The following GRAMD1B variants were observed in gnomAD, a reference collection of about 807,000 sequenced individuals.
GRAMD1B encodes the protein GRAM domain containing 1B.
GRAMD1B carries 37 observed loss-of-function variants against 99.7 expected under a neutral mutation model. That is an observed-to-expected ratio of 0.37 (90% confidence interval 0.29 to 0.49). GRAMD1B has a LOEUF of 0.49. Ranked by LOEUF, GRAMD1B falls within the 20% of genes least tolerant of loss-of-function variation. The probability of loss-of-function intolerance (pLI) is 0.98; values close to 1 mark genes in which losing one functional copy is unlikely to be tolerated. For synonymous variants in GRAMD1B, 427 were observed against 387.6 expected (o/e 1.10, Z -1.19); for missense variants, 888 against 1,009.2 (o/e 0.88, Z 1.63).
At chr11:123,577,654 A>T (rs1592096290) in intron 3 of GRAMD1B, 77 bp downstream of exon 3, 4 of 1,121,782 alleles carry the variant, frequency 3.6e-6, no homozygotes, top group Non-Finnish European at 5.2e-6. Context: ...GAGCCGGAGA[A>T]CATCTGCGAG....
chr11:123,542,750 T>A (rs1024601245), intron 2 of GRAMD1B, among the ~76,000 whole-genome samples: 2 of 152,054 alleles, frequency 1.3e-5, no homozygotes, highest in Non-Finnish European at 2.9e-5. Context: ...CCTCCTGGGT[T>A]CAAGCAATTC....
chr11:123,602,118 A>T (rs1952056939), intron 8 of GRAMD1B, among the ~76,000 whole-genome samples: 1 of 152,168 alleles, frequency 6.6e-6, no homozygotes, highest in Admixed American at 6.5e-5. Context: ...TACCTCCCTC[A>T]GGCACTATGA....
intron 17 of GRAMD1B, 125 bp from the exon 18 acceptor site, chr11:123,618,568 C>T (rs946614113): frequency 1.2e-6 from 1 of 808,006 alleles, no homozygotes; most frequent in African/African-American, 1.7e-5. Context: ...CCCTCCAGCT[C>T]AGTCACTCAC....
At chr11:123,577,220 G>T in intron 2 of GRAMD1B, 147 bp from the exon 3 acceptor site, 1 of 694,654 alleles carries the variant, frequency 1.4e-6, no homozygotes, top group Admixed American at 2.3e-5. Flanking sequence ...CGCAGCCTGG[G>T]CCCCTCTCTC....
intron 2 of GRAMD1B, among the ~76,000 whole-genome samples, chr11:123,548,319 TATATATAC>T (rs1181294867): frequency 2.9e-5 from 3 of 105,208 alleles, no homozygotes; most frequent in East Asian, 5.7e-4. Context: ...TATATATATA[TATATATAC>T]ACACACACAC....
intron 7 of GRAMD1B, chr11:123,599,411 C>G (rs1425144388): frequency 6.0e-6 from 4 of 670,908 alleles, no homozygotes; most frequent in South Asian, 1.4e-5. Flanking sequence ...GCCATTCCTT[C>G]TCCTCATGAT....
intron 2 of GRAMD1B, among the ~76,000 whole-genome samples, chr11:123,516,005 G>A (rs547231256): frequency 6.6e-6 from 1 of 152,204 alleles, no homozygotes; most frequent in Non-Finnish European, 1.5e-5. Context: ...TAGAGCTCAA[G>A]TGATCTGCCC....
chr11:123,577,772 A>G lies in GRAMD1B; in HGVS notation c.663+195A>G, dbSNP rs549524814. Among the ~76,000 whole-genome samples, 3 of 150,146 alleles carry G rather than the reference A, an allele frequency of 2.0e-5. No homozygotes were observed. In the South Asian group the frequency reaches 6.4e-4, roughly 32 times the overall value. On this transcript the variant is annotated intron_variant, in intron 3 of 19. Transcript: ENST00000635736. ...TAGTTAAATATCTTCCCCGCTAAGC[A>G]TTCTTGGTGGGCTGGGCGAGGTAGG... is the stretch of plus-strand genomic sequence containing the variant.
At position 123,474,873 on chromosome 11, in the gene GRAMD1B, G is replaced by C. The variant is rs145406077; in HGVS notation, c.375-5943G>C. On this transcript the variant is annotated intron_variant, in intron 1 of 19. Transcript: ENST00000635736. ...CAGTACATTAGTCTCTGCAGCCTGG[G>C]TGTGGGTAAATGTAGTTTCCATCAG... Among the ~76,000 whole-genome samples the C allele has an allele frequency of 9.1e-3, 1,389 of 152,268 alleles. 9 individuals are homozygous for C. Among genetic ancestry groups the C allele is most frequent in the Non-Finnish European group, 0.013 (882 of 68,018 alleles).
intron 1 of GRAMD1B, among the ~76,000 whole-genome samples, chr11:123,474,251 T>C (rs36051450): frequency 0.16 from 22,402 of 140,862 alleles, 2,156 homozygotes; most frequent in Admixed American, 0.25. Flanking sequence ...TTTTCTTTTT[T>C]TTAACTTTTA....
chr11:123,443,121 C>T (rs561756501), intron 1 of GRAMD1B, among the ~76,000 whole-genome samples: 6 of 152,168 alleles, frequency 3.9e-5, no homozygotes, highest in East Asian at 1.9e-4. Flanking sequence ...TGTAGTCCAG[C>T]GGGTCTTAGC....
At chr11:123,395,458 T>C (rs1947425680) in intron 1 of GRAMD1B, among the ~76,000 whole-genome samples, 1 of 151,832 alleles carries the variant, frequency 6.6e-6, no homozygotes. Flanking sequence ...CTGCCCTCAT[T>C]AACAACAACA....
intron 1 of GRAMD1B, among the ~76,000 whole-genome samples, chr11:123,441,699 A>C (rs1318201927): frequency 6.6e-6 from 1 of 152,096 alleles, no homozygotes; most frequent in East Asian, 1.9e-4. Flanking sequence ...CAGAGGCAGA[A>C]GTGGGAAGAT....
intron 1 of GRAMD1B, among the ~76,000 whole-genome samples, chr11:123,441,108 G>A (rs1347049234): frequency 6.6e-6 from 1 of 152,146 alleles, no homozygotes; most frequent in Non-Finnish European, 1.5e-5. Flanking sequence ...TCTCAGGTAT[G>A]TCTTTATTGG....
intron 4 of GRAMD1B, among the ~76,000 whole-genome samples, chr11:123,589,614 T>TGTA: frequency 7.8e-6 from 1 of 128,264 alleles, no homozygotes; most frequent in Admixed American, 7.6e-5. Flanking sequence ...TGGCTAATTT[T>TGTA]TATATATATA....
intron 3 of GRAMD1B, among the ~76,000 whole-genome samples, chr11:123,580,645 G>A (rs2136278878): frequency 6.6e-6 from 1 of 152,304 alleles, no homozygotes; most frequent in Middle Eastern, 3.4e-3. Context: ...TGCTGTCCAG[G>A]CCGACCCTCC....
chr11:123,386,606 T>TTTTTG (rs1947069322), intron 1 of GRAMD1B, among the ~76,000 whole-genome samples: 1 of 151,876 alleles, frequency 6.6e-6, no homozygotes. Context: ...CCCAGCTAAT[T>TTTTTG]TTTTGTTTTG....
chr11:123,605,412 G>A lies in GRAMD1B; in HGVS notation c.1257G>A (p.Gln419=), dbSNP rs1324622669. ...AGACCAAGCCAGATGCCAGTCCACA[G>A]CTGCCCAAGAAATCCATCACCAACA... ...SIETKPDASP[Q]LPKKSITNST... The change falls in exon 10 of 20, where the codon CAG becomes CAA. Residue 419 remains glutamine (Q), a synonymous_variant. Transcript: ENST00000635736. 6.2e-7 allele frequency: 1 copy of A among 1,613,478 alleles called. No individual in the cohort carries two copies. The highest frequency in any genetic ancestry group is 1.3e-5 in the African/African-American group (1 of 74,888).
chr11:123,505,241 G>A (rs2714073), intron 2 of GRAMD1B, among the ~76,000 whole-genome samples: 77,716 of 151,262 alleles, frequency 0.51, 20,541 homozygotes, highest in Middle Eastern at 0.56. Flanking sequence ...TCTGTTTTCC[G>A]GGCTGGTCCT....
Sources: allele counts gnomAD v4.1 joint callset (sites outside exome capture counted in the v4.1 genomes callset), GRCh38; gene constraint gnomAD v4.1.1; transcripts MANE v1.5; gene names NCBI Gene and HGNC (gene_info 2026-07-23, HGNC 2026-07-21).